Variants in TM7SF3 observed in about 807,000 individuals in gnomAD.
TM7SF3 encodes the protein seven span transmembrane protein.
In TM7SF3, 60 loss-of-function variants were observed where a neutral mutation model predicts 65.5. The ratio of observed to expected loss-of-function variants is 0.92; its 90% CI spans 0.74 to 1.14. The LOEUF is 1.14. Among genes scored for constraint, TM7SF3 ranks in the 50% most tolerant of loss-of-function variants. The pLI is 0.00. For synonymous variants in TM7SF3, 264 were observed against 259.6 expected (o/e 1.02, Z -0.16); for missense variants, 623 against 684.8 (o/e 0.91, Z 1.01).
At chr12:26,992,984 A>G (rs1182180391) in intron 5 of TM7SF3, among the ~76,000 whole-genome samples, 1 of 135,386 alleles carries the variant, frequency 7.4e-6, no homozygotes, top group Non-Finnish European at 1.5e-5. Context: ...ATCTCAGCTT[A>G]CTGCAACTTC....
At position 27,014,191 on chromosome 12, in the gene TM7SF3, C is replaced by T. The variant is rs374322285; in HGVS notation, c.-23G>A. 23 of 1,551,268 alleles carry T rather than the reference C, an allele frequency of 1.5e-5. No individual in the cohort carries two copies. In the African/African-American group the frequency reaches 2.5e-4, roughly 17 times the overall value. On this transcript the variant is annotated 5_prime_UTR_variant, in exon 1 of 12. An upstream open reading frame in the 5' UTR gains an earlier in-frame stop. Coordinates refer to ENST00000343028, the MANE Select transcript of TM7SF3 (RefSeq NM_016551.3). ...CATTGCTGCCTGGGCCGGGCTGGGC[C>T]CACGCCAGGGCTGGGGAGAGGTGCG...
chr12:26,978,906 T>G (rs1939685518), intron 9 of TM7SF3: 2 of 152,162 alleles, frequency 1.3e-5, no homozygotes. Flanking sequence ...ATTTAGCACA[T>G]GTAGGGTAGA....
chr12:26,975,143 A>C (rs1411348565), intron 11 of TM7SF3, among the ~76,000 whole-genome samples: 1 of 152,162 alleles, frequency 6.6e-6, no homozygotes, highest in Non-Finnish European at 1.5e-5. Flanking sequence ...CTTAACATTA[A>C]ATCAGGTTGT....
intron 10 of TM7SF3, among the ~76,000 whole-genome samples, chr12:26,976,011 C>T (rs75037031): frequency 6.6e-6 from 1 of 152,282 alleles, no homozygotes; most frequent in African/African-American, 2.4e-5. Flanking sequence ...ACCTTCTCTG[C>T]TCCCACTGTT....
chr12:26,988,672 T>TTGTGTGTGTGTGTG (rs147021582), intron 6 of TM7SF3, among the ~76,000 whole-genome samples: 199 of 146,322 alleles, frequency 1.4e-3, no homozygotes, highest in South Asian at 1.3e-3. Flanking sequence ...GAGAAGAAAA[T>TTGTGTGTGTGTGTG]TGTGTGTGTG....
At chr12:26,992,201 A>G (rs1381445514) in intron 5 of TM7SF3, among the ~76,000 whole-genome samples, 1 of 152,168 alleles carries the variant, frequency 6.6e-6, no homozygotes, top group Non-Finnish European at 1.5e-5. Flanking sequence ...GCCTACCTTA[A>G]ATGTGCTCAG....
intron 6 of TM7SF3, among the ~76,000 whole-genome samples, chr12:26,985,399 G>C (rs1404426829): frequency 6.6e-6 from 1 of 151,642 alleles, no homozygotes; most frequent in Non-Finnish European, 1.5e-5. Flanking sequence ...GCCGAGGCGG[G>C]CATATCACCT....
chr12:26,996,815 G>A lies in TM7SF3; in HGVS notation c.445C>T (p.Pro149Ser), dbSNP rs1379035537. The A allele has an allele frequency of 6.2e-7, 1 of 1,613,416 alleles. No homozygotes were observed. The highest frequency in any genetic ancestry group is 8.5e-7 in the Non-Finnish European group (1 of 1,179,778). The change falls in exon 4 of 12, where the codon CCC becomes TCC. Residue 149 changes from proline (P) to serine (S), a missense_variant. Pro to Ser is a moderately conservative substitution (Grantham distance 74). Transcript: ENST00000343028. Reference sequence around the variant, plus strand: ...AAATTATACTCCAAGTAAATGTTGGGATCAATATCTAAATCGAACTCCAAA... The same window carrying A: ...AAATTATACTCCAAGTAAATGTTGGAATCAATATCTAAATCGAACTCCAAA... ...CNLEFDLDID[P>S]NIYLEYNFFE... is the part of the protein sequence containing the mutation.
chr12:27,009,918 A>AACATTGT (rs1261906807), intron 1 of TM7SF3, among the ~76,000 whole-genome samples: 1 of 152,206 alleles, frequency 6.6e-6, no homozygotes, highest in African/African-American at 2.4e-5. Context: ...CTGGCAATCT[A>AACATTGT]ACATCCATTG....
At chr12:26,976,461 C>A in intron 9 of TM7SF3, 104 bp from the exon 10 acceptor site, 1 of 708,740 alleles carries the variant, frequency 1.4e-6, no homozygotes, top group South Asian at 1.7e-5. Flanking sequence ...CTTAAAGTAA[C>A]AACCAGGGAA....
chr12:27,014,326 G>T lies in TM7SF3; in HGVS notation c.-158C>A, dbSNP rs1204372444. On this transcript the variant is annotated 5_prime_UTR_variant, in exon 1 of 12. Transcript: ENST00000343028. ...CTTCGCACCTGCCAGCTCCGCAGCC[G>T]CCGGCGCGCGCCCCGCCGAACTCCT... 2 of 430,934 alleles carry T rather than the reference G, an allele frequency of 4.6e-6. No individual in the cohort carries two copies. The highest frequency in any genetic ancestry group is 3.9e-6 in the Non-Finnish European group (1 of 259,604). The allele number at this position is 430,934 out of a possible 1,614,324, so 26.7% of individuals were successfully genotyped here.
At chr12:26,998,430 C>T (rs895569897) in intron 3 of TM7SF3, among the ~76,000 whole-genome samples, 8 of 152,294 alleles carry the variant, frequency 5.3e-5, no homozygotes, top group South Asian at 2.1e-4. Flanking sequence ...AAATGTCCTA[C>T]AAGCATCTCA....
intron 5 of TM7SF3, among the ~76,000 whole-genome samples, chr12:26,991,587 G>A (rs1940371887): frequency 6.6e-6 from 1 of 152,166 alleles, no homozygotes; most frequent in Admixed American, 6.5e-5. Context: ...ATTATTATGA[G>A]CCCTCCTACA....
intron 10 of TM7SF3, 116 bp from the exon 11 acceptor site, chr12:26,975,774 A>AC (rs1939539501): frequency 2.7e-6 from 3 of 1,113,808 alleles, no homozygotes; most frequent in South Asian, 3.2e-5. Context: ...ATGAAAAAGG[A>AC]CCAGACCCAC....
chr12:26,983,964 A>G (rs561886995), intron 6 of TM7SF3, among the ~76,000 whole-genome samples: 224 of 152,348 alleles, frequency 1.5e-3, no homozygotes, highest in African/African-American at 5.3e-3. Context: ...ATCTCATGCT[A>G]AAATAAAACA....
At chr12:26,982,218 G>C (rs1939848364) in intron 7 of TM7SF3, among the ~76,000 whole-genome samples, 1 of 151,830 alleles carries the variant, frequency 6.6e-6, no homozygotes, top group Non-Finnish European at 1.5e-5. Flanking sequence ...GTATTTTTTG[G>C]AGAAACAGGG....
At chr12:27,009,400 C>T (rs1001862562) in intron 1 of TM7SF3, among the ~76,000 whole-genome samples, 4 of 152,068 alleles carry the variant, frequency 2.6e-5, no homozygotes, top group Non-Finnish European at 4.4e-5. Context: ...TATGAATTTC[C>T]GATATTCCTC....
chr12:27,003,340 G>GC lies in TM7SF3; in HGVS notation c.141dup (p.Pro48AlafsTer10), dbSNP rs1175214564. 2.5e-6 allele frequency: 4 copies of GC among 1,613,278 alleles called. No individual in the cohort carries two copies. The East Asian group carries it at 8.9e-5, about 36-fold the overall frequency. ...TGCAAAATAGCTTCCTCTGGAAAGG[G>GC]CCTATTGAGCTCGAAGTATCTAAAT... On this transcript the variant is annotated frameshift_variant, in exon 2 of 12. Coordinates refer to ENST00000343028, the MANE Select transcript of TM7SF3 (RefSeq NM_016551.3). LOFTEE classifies it high-confidence loss of function.
At chr12:27,008,471 T>C (rs564984028) in intron 1 of TM7SF3, among the ~76,000 whole-genome samples, 1 of 152,196 alleles carries the variant, frequency 6.6e-6, no homozygotes, top group Non-Finnish European at 1.5e-5. Flanking sequence ...CTCCCACTCT[T>C]GTTGCTTGTC....
Sources: allele counts gnomAD v4.1 joint callset (sites outside exome capture counted in the v4.1 genomes callset), GRCh38; gene constraint gnomAD v4.1.1; transcripts MANE v1.5; gene names NCBI Gene and HGNC (gene_info 2026-07-23, HGNC 2026-07-21).